ATP8B3: variants seen among roughly 807,000 people sequenced by gnomAD.
ATP8B3 encodes the protein phospholipid-transporting ATPase IK.
Under a neutral mutation model 140.9 loss-of-function variants are expected in ATP8B3, and 141 were observed. That is an observed-to-expected ratio of 1.00 (90% confidence interval 0.87 to 1.15). ATP8B3 has a LOEUF of 1.15. Among genes scored for constraint, ATP8B3 ranks in the 50% most tolerant of loss-of-function variants. ATP8B3 has a pLI of 0.00. For synonymous variants in ATP8B3, 765 were observed against 714.6 expected (o/e 1.07, Z -1.13); for missense variants, 1,874 against 1,740.6 (o/e 1.08, Z -1.36).
intron 14 of ATP8B3, among the ~76,000 whole-genome samples, chr19:1,798,481 G>A (rs1343490101): frequency 6.6e-6 from 1 of 152,102 alleles, no homozygotes; most frequent in Non-Finnish European, 1.5e-5. Context: ...GCTCACGCCT[G>A]TAATCCCAGC....
rs61739534 is a variant in ATP8B3 at position 1,808,276 on chromosome 19, G to C, written c.462C>G (p.Tyr154Ter). Reference sequence around the variant, plus strand: ...GGTTGGACACGCGGTGGAACTGCTCGTACAGGTTCAGCGGCAGGAACGAGT... The same window carrying C: ...GGTTGGACACGCGGTGGAACTGCTCCTACAGGTTCAGCGGCAGGAACGAGT... ...NFYSFLPLNL[Y>*]EQFHRVSNLF... Residue 154 changes from tyrosine to a stop codon, truncating the protein, a stop_gained, in exon 5 of 29, where the codon TAC becomes TAG. Transcript: ENST00000310127. LOFTEE classifies it high-confidence loss of function. 5.6e-6 allele frequency: 9 copies of C among 1,613,132 alleles called. No individual in the cohort carries two copies. In the East Asian group the frequency reaches 6.7e-5, roughly 12 times the overall value.
intron 2 of ATP8B3, 22 bp from the exon 3 acceptor site, chr19:1,810,705 G>A (rs1465546459): frequency 1.9e-6 from 3 of 1,607,954 alleles, no homozygotes; most frequent in Admixed American, 3.4e-5. Context: ...AAGGGCCCCG[G>A]GTCACAGCAG....
In ATP8B3 at chr19:1,811,819, G is replaced by C; in HGVS notation, c.-83C>G. The C allele has an allele frequency of 2.9e-6, 4 of 1,375,896 alleles. No homozygotes were observed. The highest frequency in any genetic ancestry group is 2.9e-6 in the Non-Finnish European group (3 of 1,031,104). 85.2% of individuals were successfully genotyped at this position (1,375,896 alleles called of 1,614,324 possible). ...GGGAGAGGTGGGGGAGACCCCCGTG[G>C]GGGCAGACTGGGGATTGGAGAGTTG... is the stretch of plus-strand genomic sequence containing the variant. On this transcript the variant is annotated 5_prime_UTR_variant, in exon 2 of 29. Coordinates refer to ENST00000310127, the MANE Select transcript of ATP8B3 (RefSeq NM_138813.4).
intron 18 of ATP8B3, among the ~76,000 whole-genome samples, chr19:1,793,573 G>A (rs999390129): frequency 6.6e-6 from 1 of 152,144 alleles, no homozygotes; most frequent in African/African-American, 2.4e-5. Flanking sequence ...CCAGGGTTGG[G>A]GCCTCTAGGG....
At chr19:1,789,229 GTC>G in intron 23 of ATP8B3, 109 bp from the exon 24 acceptor site, 1 of 938,636 alleles carries the variant, frequency 1.1e-6, no homozygotes, top group Non-Finnish European at 1.5e-6. Context: ...TCTGCTTCAG[GTC>G]CCCCCAGTCC....
In ATP8B3 at chr19:1,783,371, A is replaced by T. The variant is rs2068215172; in HGVS notation, c.3661-101T>A. The T allele has an allele frequency of 5.6e-6, 8 of 1,418,326 alleles. No individual in the cohort carries two copies. In the East Asian group the frequency reaches 2.0e-4, roughly 35 times the overall value. 87.9% of individuals were successfully genotyped at this position (1,418,326 alleles called of 1,614,324 possible). A position where few individuals can be genotyped will look rare whatever the true frequency, so the allele number is the denominator to read the frequency against. On this transcript the variant is annotated intron_variant, in intron 28 of 28. Transcript: ENST00000310127. Reference sequence around the variant, plus strand: ...GAGGCAGGATTCAAAGCCCTTGGCCACTATTGATTGGCTACGTTCTTCCCT... The same window carrying T: ...GAGGCAGGATTCAAAGCCCTTGGCCTCTATTGATTGGCTACGTTCTTCCCT...
In ATP8B3 at chr19:1,789,694, G is replaced by A. The variant is rs746776509; in HGVS notation, c.2512C>T (p.Arg838Cys). The change falls in exon 23 of 29, where the codon CGC becomes TGC. Residue 838 changes from arginine (R) to cysteine (C), a missense_variant. By Grantham distance (180) the Arg-to-Cys change is radical. Coordinates refer to ENST00000310127, the MANE Select transcript of ATP8B3 (RefSeq NM_138813.4). ...ATGTTCACGTTCTGCGCCAGGGCGC[G>A]CGGCTCCTTCCGCAGGGACACCAGC... Reference protein sequence around the residue: ...KLLVSLRKEPRALAQNVNMDE... With the variant: ...KLLVSLRKEPCALAQNVNMDE... 5.0e-6 allele frequency: 8 copies of A among 1,588,620 alleles called. No individual in the cohort carries two copies. The African/African-American group carries it at 5.4e-5, about 11-fold the overall frequency.
intron 14 of ATP8B3, among the ~76,000 whole-genome samples, chr19:1,797,249 C>T (rs1483894678): frequency 6.6e-6 from 1 of 151,882 alleles, no homozygotes; most frequent in East Asian, 1.9e-4. Flanking sequence ...CCCAAAAGGA[C>T]AGCCTGGAGC....
At chr19:1,801,179 T>C (rs113865260) in intron 12 of ATP8B3, among the ~76,000 whole-genome samples, 1 of 150,830 alleles carries the variant, frequency 6.6e-6, no homozygotes, top group African/African-American at 2.4e-5. Context: ...TGAGACAGAG[T>C]CTTGCTCAGT....
rs139095712 is a variant in ATP8B3, at chr19:1,808,258, C to T, written c.480G>A (p.Val160=). Residue 160 remains valine, a synonymous_variant, in exon 5 of 29, where the codon GTG becomes GTA. Coordinates refer to ENST00000310127, the MANE Select transcript of ATP8B3 (RefSeq NM_138813.4). Reference sequence around the variant, plus strand: ...TGATGATGAGGAAGAACAGGTTGGACACGCGGTGGAACTGCTCGTACAGGT... The same window carrying T: ...TGATGATGAGGAAGAACAGGTTGGATACGCGGTGGAACTGCTCGTACAGGT... ...PLNLYEQFHR[V]SNLFFLIIII... The T allele has an allele frequency of 1.9e-6, 3 of 1,613,048 alleles. No homozygotes were observed. The highest frequency in any genetic ancestry group is 1.7e-6 in the Non-Finnish European group (2 of 1,179,578).
Position 1,806,740 on chromosome 19 carries a change from C to T in ATP8B3, c.616-51G>A, listed in dbSNP as rs968406029. 34 of 1,537,934 alleles carry T rather than the reference C, an allele frequency of 2.2e-5. No homozygotes were observed. In the East Asian group the frequency reaches 2.4e-4, roughly 11 times the overall value. ...GAGACCGTCCAGCCTCTCCTGCCCC[C>T]GCCCAGGCCGCTGCCGCACTGCAGC... is the stretch of plus-strand genomic sequence containing the variant. On this transcript the variant is annotated intron_variant, in intron 6 of 28. Transcript: ENST00000310127. The surrounding 1 kb of genome is among the most constrained non-coding windows in gnomAD (Gnocchi z 5.6).
In ATP8B3 at chr19:1,806,040, G is replaced by A; in HGVS notation, c.750+57C>T. The A allele has an allele frequency of 6.2e-7, 1 of 1,605,466 alleles. No homozygotes were observed. Among genetic ancestry groups the A allele is most frequent in the South Asian group, 1.1e-5 (1 of 90,308 alleles). ...CGGCAGCCCTCCCCACCCTGGGAGG[G>A]GTGCTCTCGGTGAGGGGGCGCGTGG... On this transcript the variant is annotated intron_variant, in intron 8 of 28. Coordinates refer to ENST00000310127, the MANE Select transcript of ATP8B3 (RefSeq NM_138813.4). This position sits in a 1 kb window ranked among gnomAD's most constrained non-coding sequence, Gnocchi z 5.6.
chr19:1,784,917 A>T lies in ATP8B3; in HGVS notation c.3562T>A (p.Ser1188Thr), dbSNP rs761510958. 6.2e-7 allele frequency: 1 copy of T among 1,612,620 alleles called. No homozygotes were observed. Among genetic ancestry groups the T allele is most frequent in the South Asian group, 1.1e-5 (1 of 90,994 alleles). The stretch of plus-strand genomic sequence containing the variant: ...CTCAGCAGGACCACCAGCAGGATGG[A>T]GGGAGAGGACATCACGCTGAGGTCG... The part of the protein sequence containing the change: ...YADLSVMSSP[S>T]ILLVVLLSVS... The change falls in exon 28 of 29, where the codon TCC becomes ACC. Residue 1188 changes from serine (S) to threonine (T), a missense_variant. Ser to Thr is a moderately conservative substitution (Grantham distance 58). This residue lies in a region of ATP8B3 where 840 missense variants were observed against 760.9 expected (regional missense o/e 1.10). Transcript: ENST00000310127.
rs922437661 is a variant in ATP8B3 at position 1,782,165 on chromosome 19, T to C, written c.*863A>G. The C allele has an allele frequency of 4.6e-6, 1 of 216,706 alleles. No homozygotes were observed. Among genetic ancestry groups the C allele is most frequent in the Non-Finnish European group, 9.2e-6 (1 of 108,354 alleles). 13.4% of individuals were successfully genotyped at this position (216,706 alleles called of 1,614,324 possible). ...TAGAGGAAGGCCCCCTGCATGCTGG[T>C]TGACTTGCAGCAGAACTGGCTGGAG... On this transcript the variant is annotated 3_prime_UTR_variant, in exon 29 of 29. Coordinates refer to ENST00000310127, the MANE Select transcript of ATP8B3 (RefSeq NM_138813.4).
chr19:1,800,889 C>G lies in ATP8B3; in HGVS notation c.1153-440G>C, dbSNP rs1428344714. Among the ~76,000 whole-genome samples, 5 of 146,272 alleles carry G rather than the reference C, an allele frequency of 3.4e-5. No homozygotes were observed. The highest frequency in any genetic ancestry group is 7.5e-5 in the Non-Finnish European group (5 of 66,934). On this transcript the variant is annotated intron_variant, in intron 12 of 28. Transcript: ENST00000310127. This position sits in a 1 kb window ranked among gnomAD's most constrained non-coding sequence, Gnocchi z 4.4. ...TCTCTCCCAGGCTGGAGTGCAGTGG[C>G]GCGATCTTGGCTCACAGCAAGCTCC...
Position 1,805,776 on chromosome 19 carries a change from CAA to C in ATP8B3, c.821+110_821+111del. The C allele has an allele frequency of 7.4e-7, 1 of 1,358,296 alleles. No homozygotes were observed. Among genetic ancestry groups the C allele is most frequent in the Non-Finnish European group, 1.0e-6 (1 of 975,790 alleles). 84.1% of individuals were successfully genotyped at this position (1,358,296 alleles called of 1,614,324 possible). ...CCCAGACACTCATGGGGTGAGTGAC[CAA>C]AGTCTCTGAGCGACCTTGGCTGGCC... On this transcript the variant is annotated intron_variant, in intron 9 of 28. Transcript: ENST00000310127. This position sits in a 1 kb window ranked among gnomAD's most constrained non-coding sequence, Gnocchi z 5.2.
rs2069609265 is a variant in ATP8B3, at chr19:1,805,752, C to T, written c.821+136G>A. 22 of 1,062,012 alleles carry T rather than the reference C, an allele frequency of 2.1e-5. No individual in the cohort carries two copies. The South Asian group carries it at 3.1e-4, about 15-fold the overall frequency. 65.8% of individuals were successfully genotyped at this position (1,062,012 alleles called of 1,614,324 possible). ...CTCAGTGCCTGGCAGCACCCACGCCCCAGACACTCATGGGGTGAGTGACCA... is the reference window on the plus strand; with the variant it reads ...CTCAGTGCCTGGCAGCACCCACGCCTCAGACACTCATGGGGTGAGTGACCA... On this transcript the variant is annotated intron_variant, in intron 9 of 28. Coordinates refer to ENST00000310127, the MANE Select transcript of ATP8B3 (RefSeq NM_138813.4). This position sits in a 1 kb window ranked among gnomAD's most constrained non-coding sequence, Gnocchi z 5.2.
intron 11 of ATP8B3, 81 bp downstream of exon 11, chr19:1,802,406 T>TGGGGCC: frequency 2.4e-6 from 1 of 421,058 alleles, no homozygotes; most frequent in Non-Finnish European, 4.4e-6. Context: ...TCCACCCACC[T>TGGGGCC]ACCCACCCAC....
At chr19:1,808,554 G>A (rs1157423211) in intron 4 of ATP8B3, among the ~76,000 whole-genome samples, 2 of 149,554 alleles carry the variant, frequency 1.3e-5, no homozygotes, top group African/African-American at 5.1e-5. Context: ...TGAATGCAAG[G>A]CCTCAGGCCA....
Sources: allele counts gnomAD v4.1 joint callset (sites outside exome capture counted in the v4.1 genomes callset), GRCh38; gene constraint gnomAD v4.1.1; regional missense constraint gnomAD v4.1.1; non-coding constraint Gnocchi (gnomAD v3.1); transcripts MANE v1.5; gene names NCBI Gene and HGNC (gene_info 2026-07-23, HGNC 2026-07-21).